Variants in CIMIP6 observed in about 807,000 individuals in gnomAD.
CIMIP6 encodes the protein uncharacterized protein C2orf73.
At chr2:54,343,343 G>A in the CIMIP6 span, among the ~76,000 whole-genome samples, 1 of 152,020 alleles carries the variant, frequency 6.6e-6, no homozygotes, top group Non-Finnish European at 1.5e-5. Flanking sequence ...TATTTGTATT[G>A]TCATAATGAA....
At chr2:54,374,504 T>A in the CIMIP6 span, among the ~76,000 whole-genome samples, 2 of 152,154 alleles carry the variant, frequency 1.3e-5, no homozygotes, top group South Asian at 4.1e-4. Context: ...TAAGTAAAGG[T>A]AAAATAATGC....
the CIMIP6 span, among the ~76,000 whole-genome samples, chr2:54,342,056 T>G: frequency 2.6e-5 from 4 of 152,164 alleles, no homozygotes; most frequent in African/African-American, 9.7e-5. Flanking sequence ...ATCCCCTAGT[T>G]CCTAAATTTC....
the CIMIP6 span, among the ~76,000 whole-genome samples, chr2:54,344,678 A>G: frequency 2.0e-5 from 3 of 151,234 alleles, no homozygotes; most frequent in Non-Finnish European, 4.4e-5. Context: ...CCAGATGTCA[A>G]CTACCACACC....
chr2:54,340,530 G>A, the CIMIP6 span, among the ~76,000 whole-genome samples: 1 of 152,172 alleles, frequency 6.6e-6, no homozygotes, highest in East Asian at 1.9e-4. Context: ...GCATAAGGAA[G>A]ACTATCCAGA....
chr2:54,331,826 A>T, the CIMIP6 span, among the ~76,000 whole-genome samples: 9 of 152,198 alleles, frequency 5.9e-5, no homozygotes, highest in African/African-American at 2.2e-4. Context: ...GGAGCCAGGG[A>T]TACCCTCTTC....
At chr2:54,336,570 C>A in the CIMIP6 span, among the ~76,000 whole-genome samples, 1 of 152,064 alleles carries the variant, frequency 6.6e-6, no homozygotes, top group Non-Finnish European at 1.5e-5. Context: ...AGTTACTGTT[C>A]TAGACACTAG....
the CIMIP6 span, among the ~76,000 whole-genome samples, chr2:54,368,972 G>C: frequency 6.6e-6 from 1 of 152,142 alleles, no homozygotes. Flanking sequence ...GAGCTCTGGA[G>C]TGAGGGAGTG....
the CIMIP6 span, chr2:54,383,659 AT>A: frequency 1.3e-5 from 2 of 151,822 alleles, no homozygotes; most frequent in Non-Finnish European, 2.9e-5. Flanking sequence ...ATAAATAATT[AT>A]TCGCGTAAAT....
the CIMIP6 span, among the ~76,000 whole-genome samples, chr2:54,377,173 A>T: frequency 6.6e-6 from 1 of 152,166 alleles, no homozygotes. Flanking sequence ...GTGTGCTGAT[A>T]AACGTTGAAC....
the CIMIP6 span, chr2:54,331,110 C>T: frequency 9.7e-7 from 1 of 1,035,854 alleles, no homozygotes; most frequent in Non-Finnish European, 1.4e-6. Flanking sequence ...CAGACAGCCC[C>T]CTTGCTTCTC....
At chr2:54,345,811 C>T in the CIMIP6 span, among the ~76,000 whole-genome samples, 2 of 152,176 alleles carry the variant, frequency 1.3e-5, no homozygotes, top group African/African-American at 2.4e-5. Context: ...ATATGCACAC[C>T]CTACATATCA....
At chr2:54,380,614 C>T in the CIMIP6 span, among the ~76,000 whole-genome samples, 3 of 152,188 alleles carry the variant, frequency 2.0e-5, no homozygotes, top group Non-Finnish European at 2.9e-5. Context: ...ATCTACCTGT[C>T]GACATTACAG....
the CIMIP6 span, among the ~76,000 whole-genome samples, chr2:54,369,210 G>A: frequency 6.6e-6 from 1 of 152,154 alleles, no homozygotes; most frequent in Admixed American, 6.5e-5. Flanking sequence ...GTGTGGGGGT[G>A]TGTGTGTATT....
At chr2:54,360,203 A>G in the CIMIP6 span, 1 of 1,551,578 alleles carries the variant, frequency 6.4e-7, no homozygotes, top group Non-Finnish European at 8.7e-7. Flanking sequence ...TCTTTTCCAG[A>G]GACACGGAGC....
chr2:54,337,779 A>G, the CIMIP6 span, among the ~76,000 whole-genome samples: 99 of 152,304 alleles, frequency 6.5e-4, no homozygotes, highest in African/African-American at 2.3e-3. Context: ...GAGATGGTGA[A>G]AGTGAGTTTG....
the CIMIP6 span, among the ~76,000 whole-genome samples, chr2:54,334,069 G>T: frequency 6.6e-6 from 1 of 152,052 alleles, no homozygotes; most frequent in African/African-American, 2.4e-5. Flanking sequence ...GATTTTAAAA[G>T]CTTCTATGTA....
chr2:54,358,521 C>T, the CIMIP6 span, among the ~76,000 whole-genome samples: 3 of 152,090 alleles, frequency 2.0e-5, no homozygotes, highest in African/African-American at 7.2e-5. Context: ...CCCACCTCAG[C>T]CTTCCAAACA....
At chr2:54,345,697 G>C in the CIMIP6 span, among the ~76,000 whole-genome samples, 1 of 152,132 alleles carries the variant, frequency 6.6e-6, no homozygotes, top group East Asian at 1.9e-4. Flanking sequence ...CTCATAACCA[G>C]TACTGTATAG....
chr2:54,341,226 A>G, the CIMIP6 span, among the ~76,000 whole-genome samples: 1 of 152,194 alleles, frequency 6.6e-6, no homozygotes, highest in Non-Finnish European at 1.5e-5. Flanking sequence ...TAACTGTATT[A>G]AAAGGTGGGA....
Sources: allele counts gnomAD v4.1 joint callset (sites outside exome capture counted in the v4.1 genomes callset), GRCh38; gene constraint gnomAD v4.1.1; transcripts MANE v1.5; gene names NCBI Gene and HGNC (gene_info 2026-07-23, HGNC 2026-07-21).